FAM124A: variants seen among roughly 807,000 people sequenced by gnomAD.
FAM124A encodes family with sequence similarity 124 member A, also known as protein FAM124A.
In FAM124A, 23 loss-of-function variants were observed where a neutral mutation model predicts 24.5. That is an observed-to-expected ratio of 0.94 (90% CI 0.68 to 1.33). FAM124A has a LOEUF of 1.33. Among genes scored for constraint, FAM124A ranks in the 40% most tolerant of loss-of-function variants. FAM124A has a pLI of 0.00. For synonymous variants in FAM124A, 287 were observed against 314.7 expected (o/e 0.91, Z 0.93); for missense variants, 623 against 722.8 (o/e 0.86, Z 1.58).
rs1451298652 is a variant in FAM124A, at chr13:51,281,364, A to G, written c.*108A>G. On this transcript the variant is annotated 3_prime_UTR_variant, in exon 4 of 4. Transcript: ENST00000322475. ...CCACATTCTTCATGATCCATTTCCC[A>G]GGAGCCCGTAGCACATTTGCCTACC... 1.8e-6 allele frequency: 2 copies of G among 1,139,764 alleles called. No individual in the cohort carries two copies. Among genetic ancestry groups the G allele is most frequent in the Non-Finnish European group, 2.4e-6 (2 of 835,166 alleles). The allele number at this position is 1,139,764 out of a possible 1,614,324, so 70.6% of individuals were successfully genotyped here. A position where few individuals can be genotyped will look rare whatever the true frequency, so the allele number is the denominator to read the frequency against.
Position 51,281,299 on chromosome 13 carries a change from A to C in FAM124A, c.*43A>C, listed in dbSNP as rs749984006. ...TCTCGAAACACACAAACTCAGAGAC[A>C]CAGACTCAGGCCCCACTGCCCCTCT... On this transcript the variant is annotated 3_prime_UTR_variant, in exon 4 of 4. Transcript: ENST00000322475. 2 of 1,511,162 alleles carry C rather than the reference A, an allele frequency of 1.3e-6. No individual in the cohort carries two copies. The highest frequency in any genetic ancestry group is 4.5e-5 in the East Asian group (2 of 44,014). 93.6% of individuals were successfully genotyped at this position (1,511,162 alleles called of 1,614,324 possible). A position where few individuals can be genotyped will look rare whatever the true frequency, so the allele number is the denominator to read the frequency against.
At position 51,280,439 on chromosome 13, in the gene FAM124A, TC is replaced by T. The variant is rs760772265; in HGVS notation, c.835-5del. On this transcript the variant is annotated splice_polypyrimidine_tract_variant and intron_variant, in intron 3 of 3. Transcript: ENST00000322475. The stretch of plus-strand genomic sequence containing the variant: ...ATCCTGCACTAATGTGATCTGCCTC[TC>T]CCCCCACAGGCACAAAGGGTGCATA... 1.9e-6 allele frequency: 3 copies of T among 1,574,942 alleles called. No homozygotes were observed. The highest frequency in any genetic ancestry group is 2.6e-6 in the Non-Finnish European group (3 of 1,158,314).
chr13:51,280,589 GTCCTCACCCGGGGCCCA>G lies in FAM124A; in HGVS notation c.978_994del (p.His327AspfsTer46). The G allele has an allele frequency of 6.2e-7, 1 of 1,614,150 alleles. No homozygotes were observed. The highest frequency in any genetic ancestry group is 2.2e-5 in the East Asian group (1 of 44,888). Reference sequence around the variant, plus strand: ...AGCAGCCAGCAGTCCCCGCTCAACAGTCCTCACCCGGGGCCCATCCGGACAGGCCTGCCTCCTGGGCA... The same window carrying G: ...AGCAGCCAGCAGTCCCCGCTCAACAGTCCGGACAGGCCTGCCTCCTGGGCA... On this transcript the variant is annotated frameshift_variant, in exon 4 of 4. Transcript: ENST00000322475. LOFTEE classifies it low-confidence loss of function (END_TRUNC).
In FAM124A at chr13:51,251,791, C is replaced by G; in HGVS notation, c.424C>G (p.Pro142Ala). The G allele has an allele frequency of 6.3e-7, 1 of 1,591,380 alleles. No homozygotes were observed. The highest frequency in any genetic ancestry group is 8.6e-7 in the Non-Finnish European group (1 of 1,169,390). ...HTEQVHGRFL[P>A]YLPCSQDFFT... The stretch of plus-strand genomic sequence containing the variant: ...CGAGCAGGTGCACGGCCGGTTCCTG[C>G]CCTACCTGCCCTGCAGCCAGGACTT... The change falls in exon 3 of 4, where the codon CCC (proline) becomes GCC (alanine). Residue 142 changes from proline (P) to alanine (A), a missense_variant. Pro to Ala is a conservative substitution (Grantham distance 27). Transcript: ENST00000322475. This position sits in a 1 kb window ranked among gnomAD's most constrained non-coding sequence, Gnocchi z 5.3.
Position 51,231,352 on chromosome 13 carries a change from G to A in FAM124A, c.73G>A (p.Asp25Asn), listed in dbSNP as rs201331453. 1.2e-5 allele frequency: 20 copies of A among 1,613,600 alleles called. No individual in the cohort carries two copies. The highest frequency in any genetic ancestry group is 3.3e-5 in the Admixed American group (2 of 59,924). Residue 25 changes from aspartate to asparagine, a missense_variant, in exon 2 of 4, where the codon GAC becomes AAC. Coordinates refer to ENST00000322475, the MANE Select transcript of FAM124A (RefSeq NM_001242312.2). ...CGCTGAGGTCTTGTGTTTCAGGTCC[G>A]ACTACAGCCACCTGTCCTCCACGAG... ...VDSGAETGGS[D>N]YSHLSSTSSE...
At chr13:51,277,743 G>A (rs1489789290) in intron 3 of FAM124A, among the ~76,000 whole-genome samples, 1 of 152,182 alleles carries the variant, frequency 6.6e-6, no homozygotes, top group Non-Finnish European at 1.5e-5. Flanking sequence ...GCAGTGGGCT[G>A]AGATCGCGCC....
intron 2 of FAM124A, among the ~76,000 whole-genome samples, chr13:51,248,101 C>T (rs898859668): frequency 6.6e-6 from 1 of 152,152 alleles, no homozygotes; most frequent in Non-Finnish European, 1.5e-5. Flanking sequence ...TAAATTCAGC[C>T]CTTCACCTAA....
chr13:51,240,795 C>A (rs1031832506), intron 2 of FAM124A, among the ~76,000 whole-genome samples: 2 of 152,220 alleles, frequency 1.3e-5, no homozygotes, highest in Admixed American at 6.5e-5. Context: ...GCCCTCACCC[C>A]CTAACAAGTG....
At chr13:51,229,709 C>T (rs971590423) in intron 1 of FAM124A, among the ~76,000 whole-genome samples, 1 of 152,162 alleles carries the variant, frequency 6.6e-6, no homozygotes, top group Non-Finnish European at 1.5e-5. Flanking sequence ...TTATTGTAAT[C>T]AAGTTGTTTT....
chr13:51,261,075 A>T (rs1238748964), intron 3 of FAM124A, among the ~76,000 whole-genome samples: 1 of 152,186 alleles, frequency 6.6e-6, no homozygotes, highest in East Asian at 1.9e-4. Context: ...GAGTGAACAA[A>T]CTTTCCTCAA....
intron 2 of FAM124A, among the ~76,000 whole-genome samples, chr13:51,239,779 T>G (rs1040431473): frequency 6.6e-6 from 1 of 152,232 alleles, no homozygotes; most frequent in Non-Finnish European, 1.5e-5. Context: ...GATGAGAGTG[T>G]CATAAAAATT....
Position 51,280,801 on chromosome 13 carries a change from A to T in FAM124A, c.1186A>T (p.Arg396Trp). ...GAPGHRASEW[R>W]HGHLLSIDDL... ...CCCAGGGCACAGGGCATCAGAGTGG[A>T]GGCATGGCCACCTCCTCTCCATCGA... The change falls in exon 4 of 4, where the codon AGG (arginine) becomes TGG (tryptophan). Residue 396 changes from arginine to tryptophan, a missense_variant. By Grantham distance (101) the Arg-to-Trp change is moderately radical. Transcript: ENST00000322475. 1 of 1,614,126 alleles carries T rather than the reference A, an allele frequency of 6.2e-7. No individual in the cohort carries two copies. The highest frequency in any genetic ancestry group is 8.5e-7 in the Non-Finnish European group (1 of 1,180,024).
intron 3 of FAM124A, among the ~76,000 whole-genome samples, chr13:51,259,623 A>C (rs1954712910): frequency 6.6e-6 from 1 of 152,096 alleles, no homozygotes; most frequent in African/African-American, 2.4e-5. Context: ...GTCTTCCCGC[A>C]GTGAAACGCA....
rs1402161240 is a variant in FAM124A, at chr13:51,282,216, C to T, written c.*960C>T. On this transcript the variant is annotated 3_prime_UTR_variant, in exon 4 of 4. Transcript: ENST00000322475. ...TCTGCAGTGACCATGCTGGGTCACG[C>T]ATCCTATGTTTCTCATTTTTAAATG... 6.6e-6 allele frequency: 1 copy of T among 152,232 alleles called. No homozygotes were observed. Among genetic ancestry groups the T allele is most frequent in the Non-Finnish European group, 1.5e-5 (1 of 68,046 alleles). The allele number at this position is 152,232 out of a possible 1,614,324, so 9.4% of individuals were successfully genotyped here. A position where few individuals can be genotyped will look rare whatever the true frequency, so the allele number is the denominator to read the frequency against.
At chr13:51,255,437 C>T (rs1213004564) in intron 3 of FAM124A, among the ~76,000 whole-genome samples, 1 of 152,200 alleles carries the variant, frequency 6.6e-6, no homozygotes, top group African/African-American at 2.4e-5. Context: ...GCAAAATTTT[C>T]CTTATCGCAG....
chr13:51,262,813 G>T (rs1167844598), intron 3 of FAM124A, among the ~76,000 whole-genome samples: 1 of 152,220 alleles, frequency 6.6e-6, no homozygotes, highest in African/African-American at 2.4e-5. Context: ...TCCCGAGGTG[G>T]TCTGGAAGGG....
Position 51,280,674 on chromosome 13 carries a change from T to C in FAM124A, c.1059T>C (p.Pro353=). The C allele has an allele frequency of 6.2e-7, 1 of 1,613,920 alleles. No homozygotes were observed. Among genetic ancestry groups the C allele is most frequent in the African/African-American group, 1.3e-5 (1 of 74,946 alleles). The change falls in exon 4 of 4, where the codon CCT becomes CCC. Residue 353 remains proline (P), a synonymous_variant. Coordinates refer to ENST00000322475, the MANE Select transcript of FAM124A (RefSeq NM_001242312.2). ...FAGRANSTPN[P]PWSFQRSKSL... ...GACGAGCCAACAGCACCCCCAACCC[T>C]CCCTGGTCTTTCCAGAGAAGCAAGT...
rs370503389 is a variant in FAM124A, at chr13:51,259,059, G to A, written c.834+6858G>A. On this transcript the variant is annotated intron_variant, in intron 3 of 3. Transcript: ENST00000322475. ...GATGTCTGGTGAGACACTAACTCAGGAACAGGCAAATCATGCTCCAGTTCC... is the reference window on the plus strand; with the variant it reads ...GATGTCTGGTGAGACACTAACTCAGAAACAGGCAAATCATGCTCCAGTTCC... 1.8e-3 allele frequency among the ~76,000 whole-genome samples: 269 copies of A among 152,240 alleles called. No homozygotes were observed. In the Middle Eastern group the frequency reaches 0.024, roughly 13 times the overall value.
Position 51,252,110 on chromosome 13 carries a change from A to C in FAM124A, c.743A>C (p.Glu248Ala). The C allele has an allele frequency of 6.2e-7, 1 of 1,614,034 alleles. No individual in the cohort carries two copies. The highest frequency in any genetic ancestry group is 8.5e-7 in the Non-Finnish European group (1 of 1,180,036). The change falls in exon 3 of 4, where the codon GAG becomes GCG. Residue 248 changes from glutamate to alanine, a missense_variant. Physicochemically the swap from Glu to Ala is moderately radical, Grantham distance 107 (BLOSUM62 -1). Coordinates refer to ENST00000322475, the MANE Select transcript of FAM124A (RefSeq NM_001242312.2). ...VLEFRVRDIG[E>A]LVPLLPNPCS... ...GAGTTCCGAGTGAGGGACATAGGCG[A>C]GCTCGTGCCTCTCCTGCCCAACCCT...
Sources: allele counts gnomAD v4.1 joint callset (sites outside exome capture counted in the v4.1 genomes callset), GRCh38; gene constraint gnomAD v4.1.1; non-coding constraint Gnocchi (gnomAD v3.1); transcripts MANE v1.5; gene names NCBI Gene and HGNC (gene_info 2026-07-23, HGNC 2026-07-21).